ZNF217: variants seen among roughly 807,000 people sequenced by gnomAD.
ZNF217 encodes the protein zinc finger protein 217.
A neutral mutation model predicts 73.3 loss-of-function variants in ZNF217; 12 were observed. That is an observed-to-expected ratio of 0.16 (90% confidence interval 0.10 to 0.27). The LOEUF is 0.27. Among genes scored for constraint, ZNF217 ranks in the 10% least tolerant of loss-of-function variants. The pLI is 1.00. For synonymous variants in ZNF217, 588 were observed against 516.4 expected, an observed-to-expected ratio of 1.14 and a Z score of -1.88; for missense variants, 1,195 against 1,327.8, an observed-to-expected ratio of 0.90 and a Z score of 1.55.
At chr20:53,577,444 TA>T (rs1988325844) in intron 3 of ZNF217, among the ~76,000 whole-genome samples, 164 bp from the exon 4 acceptor site, 1 of 152,268 alleles carries the variant, frequency 6.6e-6, no homozygotes, top group Non-Finnish European at 1.5e-5. Context: ...CTGTAATGAA[TA>T]TTTGAAATTA....
In ZNF217 at chr20:53,582,209, G is replaced by T. The variant is rs1219230289; in HGVS notation, c.618C>A (p.His206Gln). 6.2e-7 allele frequency: 1 copy of T among 1,613,944 alleles called. No homozygotes were observed. Among genetic ancestry groups the T allele is most frequent in the Admixed American group, 1.7e-5 (1 of 60,010 alleles). Residue 206 changes from histidine to glutamine, a missense_variant, in exon 2 of 6, where the codon CAC (histidine) becomes CAA (glutamine). Physicochemically the swap from His to Gln is conservative, Grantham distance 24. Around this residue, in one of 9 missense-constraint regions of ZNF217, gnomAD observed 126 missense variants for 114.4 expected, o/e 1.10. Transcript: ENST00000371471. This position sits in a 1 kb window ranked among gnomAD's most constrained non-coding sequence, Gnocchi z 4.8. ...AAGGAGAGGAGATGCTCTCGGCCGCGTGCACCTGGACGACCTCGTTGATCG... is the reference window on the plus strand; with the variant it reads ...AAGGAGAGGAGATGCTCTCGGCCGCTTGCACCTGGACGACCTCGTTGATCG... ...PATINEVVQV[H>Q]AAESISSPYK...
intron 2 of ZNF217, among the ~76,000 whole-genome samples, chr20:53,579,043 A>G (rs2145948507): frequency 6.6e-6 from 1 of 152,366 alleles, no homozygotes; most frequent in East Asian, 1.9e-4. Context: ...AAGTTTTGGA[A>G]AGCAGGCTGT....
chr20:53,591,298 A>G (rs988599933), intron 1 of ZNF217, among the ~76,000 whole-genome samples: 2 of 152,240 alleles, frequency 1.3e-5, no homozygotes, highest in Non-Finnish European at 2.9e-5. Context: ...GTGGGACACT[A>G]AAGAAAAAAG....
chr20:53,595,796 C>T (rs1446493215), upstream of ZNF217, among the ~76,000 whole-genome samples: 1 of 151,856 alleles, frequency 6.6e-6, no homozygotes, highest in African/African-American at 2.4e-5. Flanking sequence ...AAACACAGTC[C>T]AAAAACACTT....
upstream of ZNF217, among the ~76,000 whole-genome samples, chr20:53,594,078 C>T (rs1481238552): frequency 6.6e-6 from 1 of 150,544 alleles, no homozygotes; most frequent in African/African-American, 2.4e-5. Context: ...CCCCCACCCC[C>T]GCCCGGAGAA....
Position 53,582,155 on chromosome 20 carries a change from T to C in ZNF217, c.672A>G (p.Leu224=). The C allele has an allele frequency of 6.2e-7, 1 of 1,614,170 alleles. No individual in the cohort carries two copies. Reference sequence around the variant, plus strand: ...CAATTAGACTTTCTTTATTTGGAAATAGGAAGCCACAAACCATGCAGATTT... The same window carrying C: ...CAATTAGACTTTCTTTATTTGGAAACAGGAAGCCACAAACCATGCAGATTT... ...PYKICMVCGF[L]FPNKESLIEH... is the part of the protein sequence containing the mutation. Residue 224 remains leucine (L), a synonymous_variant, in exon 2 of 6, where the codon CTA becomes CTG. Transcript: ENST00000371471. This position sits in a 1 kb window ranked among gnomAD's most constrained non-coding sequence, Gnocchi z 4.8.
rs1304387643 is a variant in ZNF217, at chr20:53,576,344, C to A, written c.2420G>T (p.Gly807Val). Residue 807 changes from glycine (G) to valine (V), a missense_variant, in exon 4 of 6, where the codon GGG becomes GTG. By Grantham distance (109) the Gly-to-Val change is moderately radical. Around this residue, in one of 9 missense-constraint regions of ZNF217, gnomAD observed 649 missense variants for 642.8 expected, o/e 1.01. Coordinates refer to ENST00000371471, the MANE Select transcript of ZNF217 (RefSeq NM_006526.3). ...TGGGGCTAAAGTGCTAGAGTCTATC[C>A]CTGAAGTCAGAGGGGCCTTGCCTGG... ...PGPGKAPLTS[G>V]IDSSTLAPSN... 4 of 1,614,070 alleles carry A rather than the reference C, an allele frequency of 2.5e-6. No individual in the cohort carries two copies. In the East Asian group the frequency reaches 8.9e-5, roughly 36 times the overall value.
chr20:53,575,780 G>A lies in ZNF217; in HGVS notation c.2984C>T (p.Pro995Leu). 3 of 1,610,946 alleles carry A rather than the reference G, an allele frequency of 1.9e-6. No individual in the cohort carries two copies. The highest frequency in any genetic ancestry group is 2.5e-6 in the Non-Finnish European group (3 of 1,178,482). ...ACCAGCAGGCACACAAGTGTAAAGT[G>A]GCCCGGAGCCACCATAGGGCTTCTG... The part of the protein sequence containing the change: ...TVQKPYGGSG[P>L]LYTCVPAGSP... The change falls in exon 4 of 6, where the codon CCA (proline) becomes CTA (leucine). Residue 995 changes from proline to leucine, a missense_variant. By Grantham distance (98) the Pro-to-Leu change is moderately conservative. Transcript: ENST00000371471.
chr20:53,595,629 G>A (rs1989028357), upstream of ZNF217, among the ~76,000 whole-genome samples: 1 of 152,230 alleles, frequency 6.6e-6, no homozygotes, highest in Non-Finnish European at 1.5e-5. Flanking sequence ...AGCAGTGCCA[G>A]TAGATTCTTA....
At position 53,582,897 on chromosome 20, in the gene ZNF217, C is replaced by A; in HGVS notation, c.-71G>T. On this transcript the variant is annotated 5_prime_UTR_variant, in exon 2 of 6. Transcript: ENST00000371471. This position sits in a 1 kb window ranked among gnomAD's most constrained non-coding sequence, Gnocchi z 4.8. The stretch of plus-strand genomic sequence containing the variant: ...CCACTTGTAAGACTTGTCACTCACC[C>A]CTCTAACAGCCCTGGGTTCCAAAAA... 1 of 1,478,056 alleles carries A rather than the reference C, an allele frequency of 6.8e-7. No individual in the cohort carries two copies. Among genetic ancestry groups the A allele is most frequent in the Non-Finnish European group, 9.1e-7 (1 of 1,096,360 alleles). 91.6% of individuals were successfully genotyped at this position (1,478,056 alleles called of 1,614,324 possible). A position where few individuals can be genotyped will look rare whatever the true frequency, so the allele number is the denominator to read the frequency against.
At chr20:53,578,286 A>G (rs1988358164) in intron 3 of ZNF217, 48 bp downstream of exon 3, 1 of 1,299,958 alleles carries the variant, frequency 7.7e-7, no homozygotes, top group Admixed American at 2.4e-5. Flanking sequence ...AAATTAGATA[A>G]CTACATAATT....
rs1298849359 is a variant in ZNF217, at chr20:53,581,158, C to T, written c.1366+303G>A. Among the ~76,000 whole-genome samples, 1 of 151,976 alleles carries T rather than the reference C, an allele frequency of 6.6e-6. No individual in the cohort carries two copies. Among genetic ancestry groups the T allele is most frequent in the East Asian group, 1.9e-4 (1 of 5,198 alleles). On this transcript the variant is annotated intron_variant, in intron 2 of 5. Coordinates refer to ENST00000371471, the MANE Select transcript of ZNF217 (RefSeq NM_006526.3). The surrounding 1 kb of genome is among the most constrained non-coding windows in gnomAD (Gnocchi z 4.9). Reference sequence around the variant, plus strand: ...AAGCAGTGCATTTGGGCTGGATGCACAAGTTATTTTTTTTTTAAAGTGTGT... The same window carrying T: ...AAGCAGTGCATTTGGGCTGGATGCATAAGTTATTTTTTTTTTAAAGTGTGT...
intron 4 of ZNF217, among the ~76,000 whole-genome samples, chr20:53,573,154 G>A (rs939820895): frequency 6.8e-6 from 1 of 147,898 alleles, no homozygotes; most frequent in African/African-American, 2.5e-5. Context: ...ATGGAGTCTC[G>A]CTCTGTCGCC....
chr20:53,584,857 C>A (rs1334408145), intron 1 of ZNF217, among the ~76,000 whole-genome samples: 1 of 152,030 alleles, frequency 6.6e-6, no homozygotes, highest in Non-Finnish European at 1.5e-5. Context: ...GCTAGCGTCC[C>A]AGGCAAGGTT....
At position 53,577,139 on chromosome 20, in the gene ZNF217, G is replaced by A. The variant is rs1237603901; in HGVS notation, c.1625C>T (p.Thr542Ile). The A allele has an allele frequency of 6.2e-7, 1 of 1,614,126 alleles. No individual in the cohort carries two copies. Among genetic ancestry groups the A allele is most frequent in the Non-Finnish European group, 8.5e-7 (1 of 1,180,044 alleles). ...GTCAGCGGTTAATAGTGCATCTTCA[G>A]TGTCCTGATTTTTACCATCGTTCTT... ...EVKNDGKNQD[T>I]EDALLTADSA... Residue 542 changes from threonine to isoleucine, a missense_variant, in exon 4 of 6, where the codon ACT (threonine) becomes ATT (isoleucine). Around this residue, in one of 9 missense-constraint regions of ZNF217, gnomAD observed 649 missense variants for 642.8 expected, o/e 1.01. Coordinates refer to ENST00000371471, the MANE Select transcript of ZNF217 (RefSeq NM_006526.3).
At chr20:53,592,367 G>A (rs57530186) in intron 1 of ZNF217, among the ~76,000 whole-genome samples, 3,446 of 150,606 alleles carry the variant, frequency 0.023, 133 homozygotes, top group African/African-American at 0.082. Flanking sequence ...AACCTGAAAT[G>A]ACTACCCTTT....
In ZNF217 at chr20:53,583,089, C is replaced by A. The variant is rs1988569254; in HGVS notation, c.-263G>T. 2 of 432,592 alleles carry A rather than the reference C, an allele frequency of 4.6e-6. No individual in the cohort carries two copies. The highest frequency in any genetic ancestry group is 8.2e-6 in the Non-Finnish European group (2 of 245,104). 26.8% of individuals were successfully genotyped at this position (432,592 alleles called of 1,614,324 possible). On this transcript the variant is annotated 5_prime_UTR_variant, in exon 2 of 6. Coordinates refer to ENST00000371471, the MANE Select transcript of ZNF217 (RefSeq NM_006526.3). ...TATGAATCAGCACAAAGCATTAGTT[C>A]TCTTTGTCTCCATTGAATGAGTGTT... is the stretch of plus-strand genomic sequence containing the variant.
At chr20:53,587,804 A>T (rs1213240441) in intron 1 of ZNF217, among the ~76,000 whole-genome samples, 7 of 147,042 alleles carry the variant, frequency 4.8e-5, no homozygotes, top group Admixed American at 3.4e-4. Context: ...TCTTTTACGC[A>T]CAGTATTTTT....
upstream of ZNF217, among the ~76,000 whole-genome samples, chr20:53,595,102 T>C (rs1225094719): frequency 6.8e-6 from 1 of 147,892 alleles, no homozygotes. Context: ...GCACAACTCA[T>C]TTAAAGCGTT....
Sources: allele counts gnomAD v4.1 joint callset (sites outside exome capture counted in the v4.1 genomes callset), GRCh38; gene constraint gnomAD v4.1.1; regional missense constraint gnomAD v4.1.1; non-coding constraint Gnocchi (gnomAD v3.1); transcripts MANE v1.5; gene names NCBI Gene and HGNC (gene_info 2026-07-23, HGNC 2026-07-21).